Variants in ZFHX3 observed in about 807,000 individuals in gnomAD.
ZFHX3 encodes the protein zinc finger homeobox protein 3.
ZFHX3 carries 42 observed loss-of-function variants against 279.1 expected under a neutral mutation model. The ratio of observed to expected loss-of-function variants is 0.15; its 90% confidence interval spans 0.12 to 0.19. The LOEUF is 0.19. Ranked by LOEUF, ZFHX3 falls within the 10% of genes least tolerant of loss-of-function variation. ZFHX3 has a pLI of 1.00. For missense variants in ZFHX3, 4,981 were observed against 4,754.0 expected, an observed-to-expected ratio of 1.05 and a Z score of -1.40; for synonymous variants, 2,293 against 1,957.8, an observed-to-expected ratio of 1.17 and a Z score of -4.52.
intron 3 of ZFHX3, among the ~76,000 whole-genome samples, chr16:72,896,662 C>T (rs1005396847): frequency 6.6e-6 from 1 of 152,176 alleles, no homozygotes; most frequent in African/African-American, 2.4e-5. Flanking sequence ...AAACGTGTTC[C>T]TGTTACTTGT....
chr16:73,707,016 T>C (rs1192909254), intron 1 of ZFHX3, among the ~76,000 whole-genome samples: 1 of 152,222 alleles, frequency 6.6e-6, no homozygotes, highest in African/African-American at 2.4e-5. Context: ...AGAAGCTGGA[T>C]AAAACTAAAT....
intron 2 of ZFHX3, among the ~76,000 whole-genome samples, chr16:73,580,188 G>GA (rs1807689361): frequency 6.6e-6 from 1 of 151,646 alleles, no homozygotes; most frequent in African/African-American, 2.4e-5. Flanking sequence ...CTTTGTAAGA[G>GA]AAATTTACTG....
chr16:73,847,780 C>CA (rs1212487587), intron 1 of ZFHX3, among the ~76,000 whole-genome samples: 2 of 152,054 alleles, frequency 1.3e-5, no homozygotes, highest in East Asian at 3.9e-4. Flanking sequence ...CTCTATTGCC[C>CA]AGGGTGGAGT....
intron 1 of ZFHX3, among the ~76,000 whole-genome samples, chr16:73,844,094 G>C (rs975851448): frequency 2.0e-5 from 3 of 152,162 alleles, no homozygotes; most frequent in Non-Finnish European, 4.4e-5. Flanking sequence ...ACCTGGTGCA[G>C]TTCTAAGCGA....
intron 5 of ZFHX3, among the ~76,000 whole-genome samples, chr16:73,230,958 C>T (rs891208282): frequency 6.6e-6 from 1 of 152,106 alleles, no homozygotes; most frequent in African/African-American, 2.4e-5. Context: ...ATCTCAAAGG[C>T]GACACAGCCC....
intron 5 of ZFHX3, among the ~76,000 whole-genome samples, chr16:73,213,016 T>C (rs922123337): frequency 5.9e-5 from 9 of 152,370 alleles, no homozygotes; most frequent in African/African-American, 1.9e-4. Flanking sequence ...TCCTTGACTC[T>C]TTTTGACTAT....
At chr16:73,402,413 T>A (rs1043945981) in intron 3 of ZFHX3, 1 of 152,256 alleles carries the variant, frequency 6.6e-6, no homozygotes. Context: ...GCCTGATACT[T>A]TTGTAAAATA....
rs1248019654 is a variant in ZFHX3 at position 72,782,917 on chromosome 16, A to G, written c.*4247T>C. ...CATATTTTTTTTTTAATGTATCACA[A>G]TGAGCAGGAAACATACTTGATGAAA... On this transcript the variant is annotated 3_prime_UTR_variant, in exon 10 of 10. Transcript: ENST00000268489. 1.3e-5 allele frequency: 2 copies of G among 152,558 alleles called. No individual in the cohort carries two copies. The highest frequency in any genetic ancestry group is 2.9e-5 in the Non-Finnish European group (2 of 68,028). The allele number at this position is 152,558 out of a possible 1,614,324, so 9.5% of individuals were successfully genotyped here.
intron 3 of ZFHX3, among the ~76,000 whole-genome samples, chr16:72,890,943 A>C (rs75166717): frequency 0.04 from 6,056 of 152,306 alleles, 403 homozygotes; most frequent in African/African-American, 0.14. Context: ...AGGAAAAGTT[A>C]AGCCAACCCC....
chr16:72,881,167 G>A (rs920954119), intron 4 of ZFHX3, among the ~76,000 whole-genome samples: 1 of 152,194 alleles, frequency 6.6e-6, no homozygotes, highest in Non-Finnish European at 1.5e-5. Flanking sequence ...CTAGAAATCT[G>A]TATTGTCTAA....
At chr16:73,680,413 G>C (rs950673933) in intron 1 of ZFHX3, among the ~76,000 whole-genome samples, 2 of 152,214 alleles carry the variant, frequency 1.3e-5, no homozygotes, top group African/African-American at 4.8e-5. Context: ...TCGAATGAAT[G>C]TTGACTGTTT....
intron 1 of ZFHX3, among the ~76,000 whole-genome samples, chr16:72,969,527 C>G (rs1962005228): frequency 6.6e-6 from 1 of 151,900 alleles, no homozygotes. Flanking sequence ...AAGGAGAACT[C>G]CAGCAGCCCC....
At chr16:73,535,572 G>A (rs6564305) in intron 2 of ZFHX3, among the ~76,000 whole-genome samples, 5,826 of 152,242 alleles carry the variant, frequency 0.038, 385 homozygotes, top group African/African-American at 0.13. Context: ...CAGGGTAGTA[G>A]GAAAAGAGTC....
intron 5 of ZFHX3, chr16:72,821,814 A>G (rs981856453): frequency 6.6e-6 from 1 of 152,254 alleles, no homozygotes; most frequent in Non-Finnish European, 1.5e-5. Context: ...AGTCTGGCAC[A>G]TAGTGAAAGC....
intron 2 of ZFHX3, among the ~76,000 whole-genome samples, chr16:73,497,450 C>A (rs2019160791): frequency 1.3e-5 from 2 of 152,196 alleles, no homozygotes; most frequent in South Asian, 4.1e-4. Flanking sequence ...AAGAGGACTG[C>A]TTGAGCCCAG....
rs143678779 is a variant in ZFHX3 at position 72,957,764 on chromosome 16, C to A, written c.2382G>T (p.Ser794=). 7.4e-6 allele frequency: 12 copies of A among 1,613,938 alleles called. No individual in the cohort carries two copies. The highest frequency in any genetic ancestry group is 1.0e-5 in the Non-Finnish European group (12 of 1,180,026). ...TGGGTTTGGTTTTTGGTTTGGTCGGCGAGGGGGCCCCGCAGGAGCTACTGA... is the reference window on the plus strand; with the variant it reads ...TGGGTTTGGTTTTTGGTTTGGTCGGAGAGGGGGCCCCGCAGGAGCTACTGA... The part of the protein sequence containing the change: ...ANISSSCGAP[S]PTKPKTKPTW... Residue 794 remains serine (S), a synonymous_variant, in exon 2 of 10, where the codon TCG becomes TCT. Transcript: ENST00000268489.
intron 5 of ZFHX3, among the ~76,000 whole-genome samples, chr16:73,215,453 T>A (rs2012169957): frequency 6.6e-6 from 1 of 152,252 alleles, no homozygotes; most frequent in Admixed American, 6.5e-5. Context: ...CTGCCAAGAC[T>A]ATAATTCAAC....
In ZFHX3 at chr16:73,219,097, C is replaced by G. The variant is rs149024556; in HGVS notation, c.-1104+37950G>C. On this transcript the variant is annotated intron_variant, in intron 5 of 17. Transcript: ENST00000641206. ...TACTTAACCTAATGTCTTCAAGGTT[C>G]ATTCGTATTGAAGCATGTATCAGAA... 8.5e-5 allele frequency among the ~76,000 whole-genome samples: 13 copies of G among 152,314 alleles called. No individual in the cohort carries two copies. In the East Asian group the frequency reaches 2.3e-3, roughly 27 times the overall value.
intron 4 of ZFHX3, among the ~76,000 whole-genome samples, chr16:73,298,345 C>A (rs561702953): frequency 6.6e-6 from 1 of 151,916 alleles, no homozygotes; most frequent in South Asian, 2.1e-4. Flanking sequence ...CCACCATGCC[C>A]GGCTAATTTT....
Sources: allele counts gnomAD v4.1 joint callset (sites outside exome capture counted in the v4.1 genomes callset), GRCh38; gene constraint gnomAD v4.1.1; transcripts MANE v1.5; gene names NCBI Gene and HGNC (gene_info 2026-07-23, HGNC 2026-07-21).